The following TAFA5 variants were observed in gnomAD, a reference collection of about 807,000 sequenced individuals.
The protein encoded by TAFA5 is chemokine-like protein TAFA-5.
A neutral mutation model predicts 15.3 loss-of-function variants in TAFA5; 6 were observed. The observed-to-expected ratio is 0.39, with a 90% CI of 0.21 to 0.77. The LOEUF (loss-of-function observed/expected upper bound fraction) is 0.77. Among genes scored for constraint, TAFA5 ranks in the 30% least tolerant of loss-of-function variants. TAFA5 has a pLI of 0.41. For missense variants in TAFA5, 161 were observed against 193.1 expected (o/e 0.83, Z 0.98); for synonymous variants, 103 against 80.7 (o/e 1.28, Z -1.48).
intron 1 of TAFA5, among the ~76,000 whole-genome samples, chr22:48,605,603 C>CA (rs1925165520): frequency 6.6e-6 from 1 of 152,182 alleles, no homozygotes; most frequent in Non-Finnish European, 1.5e-5. Context: ...AGGATGCAGG[C>CA]AGGCATTTTA....
rs1275637405 is a variant in TAFA5, at chr22:48,742,983, C to A, written c.391-6856C>A. On this transcript the variant is annotated intron_variant, in intron 3 of 3. Coordinates refer to ENST00000402357, the MANE Select transcript of TAFA5 (RefSeq NM_001082967.3). This position sits in a 1 kb window ranked among gnomAD's most constrained non-coding sequence, Gnocchi z 6.2. Reference sequence around the variant, plus strand: ...GCCCAGCCCTGGGACGCAGGCTCAGCAGCCCCCGGATTCCAGTCAACATCC... The same window carrying A: ...GCCCAGCCCTGGGACGCAGGCTCAGAAGCCCCCGGATTCCAGTCAACATCC... 6.6e-6 allele frequency among the ~76,000 whole-genome samples: 1 copy of A among 152,212 alleles called. No homozygotes were observed. Among genetic ancestry groups the A allele is most frequent in the East Asian group, 1.9e-4 (1 of 5,184 alleles).
chr22:48,738,276 T>C (rs991670377), intron 3 of TAFA5, among the ~76,000 whole-genome samples: 3 of 152,166 alleles, frequency 2.0e-5, no homozygotes, highest in African/African-American at 7.2e-5. Flanking sequence ...AATTGAGATA[T>C]AGCTCTCAGC....
intron 1 of TAFA5, among the ~76,000 whole-genome samples, chr22:48,603,383 C>T (rs533824990): frequency 3.9e-5 from 6 of 152,376 alleles, no homozygotes; most frequent in Admixed American, 2.0e-4. Flanking sequence ...GGCACCACCA[C>T]GCTGGGCAGC....
At chr22:48,583,541 C>T (rs1469799845) in intron 1 of TAFA5, among the ~76,000 whole-genome samples, 1 of 150,542 alleles carries the variant, frequency 6.6e-6, no homozygotes, top group Non-Finnish European at 1.5e-5. Flanking sequence ...CCACACACCA[C>T]ATACAAAATA....
chr22:48,608,095 A>AGGCTGCCAGCCCCTCCCACGGCCCCG (rs1173162168), intron 1 of TAFA5, among the ~76,000 whole-genome samples: 3 of 117,156 alleles, frequency 2.6e-5, no homozygotes, highest in African/African-American at 6.8e-5. Flanking sequence ...CCACGGCCCC[A>AGGCTGCCAGCCCCTCCCACGGCCCCG]GGCTGCCAGC....
At chr22:48,605,521 G>A (rs1925161983) in intron 1 of TAFA5, among the ~76,000 whole-genome samples, 1 of 151,936 alleles carries the variant, frequency 6.6e-6, no homozygotes, top group South Asian at 2.1e-4. Flanking sequence ...TGGTTGTGGT[G>A]GTGATAGGGC....
intron 1 of TAFA5, among the ~76,000 whole-genome samples, chr22:48,573,810 A>G (rs552697194): frequency 1.3e-5 from 2 of 152,274 alleles, no homozygotes; most frequent in African/African-American, 4.8e-5. Flanking sequence ...CCCTTGGTGA[A>G]CGTAGCACAC....
intron 1 of TAFA5, among the ~76,000 whole-genome samples, chr22:48,617,214 G>T (rs565212807): frequency 6.7e-6 from 1 of 149,506 alleles, no homozygotes; most frequent in Admixed American, 6.7e-5. Context: ...GGTCTCACAG[G>T]CAGTCACAGG....
chr22:48,556,533 C>T (rs1923045401), intron 1 of TAFA5, among the ~76,000 whole-genome samples: 1 of 152,224 alleles, frequency 6.6e-6, no homozygotes, highest in South Asian at 2.1e-4. Flanking sequence ...CTTGGCAGGC[C>T]CATGTTGGAA....
intron 1 of TAFA5, among the ~76,000 whole-genome samples, chr22:48,625,787 C>T (rs527865303): frequency 2.6e-5 from 4 of 152,340 alleles, no homozygotes; most frequent in African/African-American, 9.6e-5. Flanking sequence ...TGTGTGTTCA[C>T]CATCACAGCA....
At chr22:48,587,545 A>G (rs1924406626) in intron 1 of TAFA5, among the ~76,000 whole-genome samples, 1 of 152,048 alleles carries the variant, frequency 6.6e-6, no homozygotes, top group African/African-American at 2.4e-5. Flanking sequence ...CCTTTGCTGC[A>G]TTTCTGTGGA....
chr22:48,705,110 C>T (rs908465351), intron 2 of TAFA5, among the ~76,000 whole-genome samples: 4 of 152,162 alleles, frequency 2.6e-5, no homozygotes, highest in African/African-American at 9.7e-5. Flanking sequence ...CTGAAGGCCC[C>T]ATCTCCAAAT....
rs1458965977 is a variant in TAFA5 at position 48,560,125 on chromosome 22, A to C, written c.112+70421A>C. Among the ~76,000 whole-genome samples the C allele has an allele frequency of 2.6e-5, 4 of 152,168 alleles. No homozygotes were observed. The highest frequency in any genetic ancestry group is 5.9e-5 in the Non-Finnish European group (4 of 68,020). Reference sequence around the variant, plus strand: ...TTTGGGGACCTCCACGTGCCGTCCCATGGGAAAGCCGAGTCCTTGTAGGGG... The same window carrying C: ...TTTGGGGACCTCCACGTGCCGTCCCCTGGGAAAGCCGAGTCCTTGTAGGGG... On this transcript the variant is annotated intron_variant, in intron 1 of 3. Transcript: ENST00000402357. The surrounding 1 kb of genome is among the most constrained non-coding windows in gnomAD (Gnocchi z 4.2).
At chr22:48,735,872 CCGCAGGAGGAATGAGAATCACACTCCT>C (rs1569099025) in intron 3 of TAFA5, among the ~76,000 whole-genome samples, 3 of 148,214 alleles carry the variant, frequency 2.0e-5, no homozygotes, top group African/African-American at 7.6e-5. Flanking sequence ...AGTCCATCCC[CCGCAGGAGGAATGAGAATCACACTCCT>C]AGAGTCCAGA....
At chr22:48,532,922 G>C (rs73888435) in intron 1 of TAFA5, among the ~76,000 whole-genome samples, 2,384 of 152,358 alleles carry the variant, frequency 0.016, 67 homozygotes, top group African/African-American at 0.054. Context: ...TCCAGGGTGA[G>C]AAAGTTGAGG....
chr22:48,746,310 C>T (rs1197450586), intron 3 of TAFA5, among the ~76,000 whole-genome samples: 2 of 151,922 alleles, frequency 1.3e-5, no homozygotes, highest in African/African-American at 2.4e-5. Context: ...CCCAGTCACC[C>T]GTCACTCTCA....
chr22:48,539,286 C>A, intron 1 of TAFA5: 1 of 456,610 alleles, frequency 2.2e-6, no homozygotes, highest in South Asian at 1.6e-5. Flanking sequence ...AAGACCCTGG[C>A]GGACTCCTAA....
At chr22:48,527,755 T>G (rs910679464) in intron 1 of TAFA5, among the ~76,000 whole-genome samples, 10 of 152,158 alleles carry the variant, frequency 6.6e-5, no homozygotes, top group Non-Finnish European at 1.3e-4. Context: ...TGGGTCAGCC[T>G]CTGTCGTGTG....
chr22:48,615,052 C>G (rs1340474193), intron 1 of TAFA5, among the ~76,000 whole-genome samples: 2 of 152,172 alleles, frequency 1.3e-5, no homozygotes, highest in African/African-American at 4.8e-5. Context: ...CAAACAACCA[C>G]AACCAGATTC....
Sources: allele counts gnomAD v4.1 joint callset (sites outside exome capture counted in the v4.1 genomes callset), GRCh38; gene constraint gnomAD v4.1.1; non-coding constraint Gnocchi (gnomAD v3.1); transcripts MANE v1.5; gene names NCBI Gene and HGNC (gene_info 2026-07-23, HGNC 2026-07-21).